Variants in ARPP21 observed in about 807,000 individuals in gnomAD.
ARPP21 encodes the protein cAMP regulated phosphoprotein 21.
Under a neutral mutation model 113.2 loss-of-function variants are expected in ARPP21, and 69 were observed. That is an observed-to-expected ratio of 0.61 (90% CI 0.50 to 0.74). The LOEUF (loss-of-function observed/expected upper bound fraction) is 0.74, where lower values mean the gene tolerates loss of function less well. Among genes scored for constraint, ARPP21 ranks in the 30% least tolerant of loss-of-function variants. ARPP21 has a pLI of 0.00. For missense variants in ARPP21, 1,070 were observed against 1,037.4 expected (o/e 1.03, Z -0.43); for synonymous variants, 368 against 375.5 (o/e 0.98, Z 0.23).
chr3:35,658,817 G>T (rs1311505152), intron 1 of ARPP21, among the ~76,000 whole-genome samples: 1 of 152,084 alleles, frequency 6.6e-6, no homozygotes, highest in Non-Finnish European at 1.5e-5. Flanking sequence ...TTTCAGGAGA[G>T]AGTGTACAAA....
At position 35,707,057 on chromosome 3, in the gene ARPP21, C is replaced by T; in HGVS notation, c.770C>T (p.Ser257Phe). 1 of 1,613,470 alleles carries T rather than the reference C, an allele frequency of 6.2e-7. No homozygotes were observed. Among genetic ancestry groups the T allele is most frequent in the East Asian group, 2.2e-5 (1 of 44,868 alleles). The change falls in exon 10 of 21, where the codon TCT becomes TTT. Residue 257 changes from serine to phenylalanine, a missense_variant. Physicochemically the swap from Ser to Phe is radical, Grantham distance 155. Coordinates refer to ENST00000684406, the MANE Select transcript of ARPP21 (RefSeq NM_001385562.1). ...QKRFILKRDN[S>F]SIDKEDNQQN... ...CGGTTTATCTTGAAGCGAGATAACT[C>T]TAGTATTGATAAAGAAGACAATCAG... is the stretch of plus-strand genomic sequence containing the variant.
intron 9 of ARPP21, among the ~76,000 whole-genome samples, chr3:35,701,143 T>A (rs1176564878): frequency 6.6e-6 from 1 of 151,642 alleles, no homozygotes; most frequent in Non-Finnish European, 1.5e-5. Context: ...ATCCAAAACA[T>A]TTCAAGTTTT....
chr3:35,693,563 G>T (rs752080990), intron 9 of ARPP21, among the ~76,000 whole-genome samples: 41 of 151,696 alleles, frequency 2.7e-4, no homozygotes, highest in Non-Finnish European at 1.0e-4. Context: ...TTAGTGAAAA[G>T]AAGTGTTGTT....
At chr3:35,650,380 G>A (rs1206138654) in intron 1 of ARPP21, 2 of 152,018 alleles carry the variant, frequency 1.3e-5, no homozygotes, top group Admixed American at 6.6e-5. Context: ...TGATGTGTAG[G>A]ATTTTATAGG....
chr3:35,762,337 A>C (rs1433704473), intron 19 of ARPP21, among the ~76,000 whole-genome samples: 1 of 152,108 alleles, frequency 6.6e-6, no homozygotes, highest in Non-Finnish European at 1.5e-5. Context: ...TTTGTGATTA[A>C]TATCAGAGAA....
intron 1 of ARPP21, among the ~76,000 whole-genome samples, chr3:35,653,516 GC>G (rs1703397900): frequency 6.6e-6 from 1 of 152,024 alleles, no homozygotes; most frequent in African/African-American, 2.4e-5. Flanking sequence ...ACTTGTGGTT[GC>G]CGTTTATGGC....
intron 5 of ARPP21, chr3:35,685,423 T>C: frequency 1.0e-6 from 1 of 984,892 alleles, no homozygotes; most frequent in Non-Finnish European, 1.2e-6. Context: ...GACACACATA[T>C]AAGCAAGTGG....
chr3:35,741,892 G>T (rs973302683), intron 18 of ARPP21, among the ~76,000 whole-genome samples: 1 of 152,124 alleles, frequency 6.6e-6, no homozygotes, highest in South Asian at 2.1e-4. Context: ...TCCGGTTGGG[G>T]ATCATAGTTC....
intron 14 of ARPP21, among the ~76,000 whole-genome samples, chr3:35,728,796 GC>G (rs1553703411): frequency 6.6e-6 from 1 of 152,072 alleles, no homozygotes; most frequent in Non-Finnish European, 1.5e-5. Context: ...TTATGACTAG[GC>G]CCCTTCAGAC....
At chr3:35,654,272 T>A (rs753580726) in intron 1 of ARPP21, among the ~76,000 whole-genome samples, 3 of 152,092 alleles carry the variant, frequency 2.0e-5, no homozygotes, top group Non-Finnish European at 4.4e-5. Flanking sequence ...TTCACATGGT[T>A]TGAGCTTTTA....
At chr3:35,763,250 A>G (rs1576767185) in intron 19 of ARPP21, among the ~76,000 whole-genome samples, 1 of 152,122 alleles carries the variant, frequency 6.6e-6, no homozygotes, top group African/African-American at 2.4e-5. Context: ...TAGTTCTCTT[A>G]CCTGCCTCAT....
At chr3:35,790,124 G>A (rs2096718903) in intron 19 of ARPP21, among the ~76,000 whole-genome samples, 2 of 151,924 alleles carry the variant, frequency 1.3e-5, no homozygotes, top group Admixed American at 1.3e-4. Flanking sequence ...AAGATCCATT[G>A]AGGCCAATTG....
intron 15 of ARPP21, 92 bp downstream of exon 15, chr3:35,729,628 A>G (rs2093800765): frequency 8.5e-7 from 1 of 1,173,090 alleles, no homozygotes; most frequent in Non-Finnish European, 1.2e-6. Flanking sequence ...GTATTCTGAA[A>G]ATTCCTGAAC....
intron 19 of ARPP21, among the ~76,000 whole-genome samples, chr3:35,762,053 C>A (rs1205783473): frequency 6.6e-6 from 1 of 151,162 alleles, no homozygotes; most frequent in Non-Finnish European, 1.5e-5. Context: ...TCCCTCAACA[C>A]CAAGGTCAAA....
chr3:35,720,461 G>T (rs1213826359), intron 13 of ARPP21, among the ~76,000 whole-genome samples: 3 of 152,088 alleles, frequency 2.0e-5, no homozygotes, highest in Admixed American at 6.5e-5. Context: ...GTACATTATT[G>T]TCTTTAAAAT....
At chr3:35,643,940 G>C (rs1217577831) in intron 1 of ARPP21, 6 of 151,966 alleles carry the variant, frequency 3.9e-5, no homozygotes, top group Admixed American at 6.6e-5. Flanking sequence ...CACCTGGAAA[G>C]TTCTGAATAT....
chr3:35,794,047 G>A lies in ARPP21; in HGVS notation c.*89G>A. On this transcript the variant is annotated 3_prime_UTR_variant, in exon 21 of 21. Transcript: ENST00000684406. The stretch of plus-strand genomic sequence containing the variant: ...GTGGGAAAACTGGCTGAGGACTTAA[G>A]TATTCACTCAACACTCAAATGATTG... The A allele has an allele frequency of 8.5e-7, 1 of 1,172,860 alleles. No individual in the cohort carries two copies. Among genetic ancestry groups the A allele is most frequent in the Non-Finnish European group, 1.2e-6 (1 of 818,878 alleles). The allele number at this position is 1,172,860 out of a possible 1,614,324, so 72.7% of individuals were successfully genotyped here.
intron 19 of ARPP21, among the ~76,000 whole-genome samples, chr3:35,763,385 C>T (rs2151349754): frequency 6.6e-6 from 1 of 152,186 alleles, no homozygotes; most frequent in Non-Finnish European, 1.5e-5. Flanking sequence ...GTGAGGACCA[C>T]CTGGAACTGC....
chr3:35,649,844 G>C (rs1386200378), intron 1 of ARPP21, among the ~76,000 whole-genome samples: 4 of 152,088 alleles, frequency 2.6e-5, no homozygotes, highest in Non-Finnish European at 4.4e-5. Flanking sequence ...GGACCATTGA[G>C]AACTGAATTC....
Sources: allele counts gnomAD v4.1 joint callset (sites outside exome capture counted in the v4.1 genomes callset), GRCh38; gene constraint gnomAD v4.1.1; transcripts MANE v1.5; gene names NCBI Gene and HGNC (gene_info 2026-07-23, HGNC 2026-07-21).